TRUB2: variants seen among roughly 807,000 people sequenced by gnomAD.
The protein encoded by TRUB2 is pseudouridylate synthase TRUB2, mitochondrial.
Under a neutral mutation model 31.9 loss-of-function variants are expected in TRUB2, and 31 were observed. The ratio of observed to expected loss-of-function variants is 0.97; its 90% CI spans 0.73 to 1.31. TRUB2 has a LOEUF of 1.31. Ranked by LOEUF, TRUB2 falls within the 50% of genes most tolerant of loss-of-function variation. The pLI, the probability that TRUB2 is intolerant of heterozygous loss-of-function variation, is 0.00. For missense variants in TRUB2, 451 were observed against 439.6 expected (o/e 1.03, Z -0.23); for synonymous variants, 201 against 182.6 (o/e 1.10, Z -0.81).
chr9:128,313,460 C>T (rs1434157474), intron 5 of TRUB2, among the ~76,000 whole-genome samples: 2 of 139,730 alleles, frequency 1.4e-5, no homozygotes, highest in East Asian at 2.3e-4. Context: ...GGCGTGAACC[C>T]GGGAGGTGGT....
rs141792504 is a variant in TRUB2, at chr9:128,321,646, A to T, written c.194T>A (p.Leu65Gln). The T allele has an allele frequency of 6.2e-7, 1 of 1,613,970 alleles. No individual in the cohort carries two copies. The highest frequency in any genetic ancestry group is 1.7e-5 in the Admixed American group (1 of 60,000). The change falls in exon 2 of 8, where the codon CTG (leucine) becomes CAG (glutamine). Residue 65 changes from leucine to glutamine, a missense_variant. Coordinates refer to ENST00000372890, the MANE Select transcript of TRUB2 (RefSeq NM_015679.3). ...GPMEGSEEKE[L>Q]TLTATSVPSF... is the part of the protein sequence containing the mutation. ...GGGTACGCTGGTGGCTGTGAGGGTCAGCTCCTTCTCTTCGCTGCCTTCCAT... is the reference window on the plus strand; with the variant it reads ...GGGTACGCTGGTGGCTGTGAGGGTCTGCTCCTTCTCTTCGCTGCCTTCCAT...
chr9:128,310,756 C>T (rs952157683), intron 7 of TRUB2, 131 bp downstream of exon 7: 19 of 1,315,882 alleles, frequency 1.4e-5, no homozygotes, highest in Admixed American at 2.0e-5. Context: ...TGCCTTGGCC[C>T]GCAGAGATCA....
chr9:128,315,434 G>T, intron 4 of TRUB2, 133 bp downstream of exon 4: 1 of 791,704 alleles, frequency 1.3e-6, no homozygotes, highest in Non-Finnish European at 2.1e-6. Context: ...CCCCTGCACA[G>T]CACACGATCA....
intron 5 of TRUB2, among the ~76,000 whole-genome samples, chr9:128,313,306 C>T (rs1284263484): frequency 6.6e-6 from 1 of 150,792 alleles, no homozygotes; most frequent in Non-Finnish European, 1.5e-5. Flanking sequence ...GAGGGCGGAT[C>T]ATGAGGTCAG....
Position 128,305,274 on chromosome 9 carries a change from T to G in TRUB2, c.*4276A>C, listed in dbSNP as rs930875825. The G allele has an allele frequency of 6.6e-6, 1 of 152,296 alleles. No homozygotes were observed. The highest frequency in any genetic ancestry group is 6.5e-5 in the Admixed American group (1 of 15,284). 9.4% of individuals were successfully genotyped at this position (152,296 alleles called of 1,614,324 possible). A position where few individuals can be genotyped will look rare whatever the true frequency, so the allele number is the denominator to read the frequency against. On this transcript the variant is annotated 3_prime_UTR_variant, in exon 8 of 8. Transcript: ENST00000372890. Reference sequence around the variant, plus strand: ...GGCCCTTTGGCTGTGAAAGCCAAGATGAGTAGCCTGGGGGCCACGCCCCTC... The same window carrying G: ...GGCCCTTTGGCTGTGAAAGCCAAGAGGAGTAGCCTGGGGGCCACGCCCCTC...
chr9:128,307,485 C>G lies in TRUB2; in HGVS notation c.*2065G>C, dbSNP rs1323369952. On this transcript the variant is annotated 3_prime_UTR_variant, in exon 8 of 8. Coordinates refer to ENST00000372890, the MANE Select transcript of TRUB2 (RefSeq NM_015679.3). ...GTGGCTCATGCCTATATTCCCAGTA[C>G]TTTGGAAGGCCGAGGTAGGCGGATC... 1 of 151,624 alleles carries G rather than the reference C, an allele frequency of 6.6e-6. No homozygotes were observed. The highest frequency in any genetic ancestry group is 2.4e-5 in the African/African-American group (1 of 41,254). 9.4% of individuals were successfully genotyped at this position (151,624 alleles called of 1,614,324 possible).
At chr9:128,317,717 G>T (rs1449821427) in intron 2 of TRUB2, among the ~76,000 whole-genome samples, 4 of 152,150 alleles carry the variant, frequency 2.6e-5, no homozygotes, top group Admixed American at 2.6e-4. Flanking sequence ...AGGGCCTATT[G>T]AATCCAGGCC....
At chr9:128,315,813 G>A in intron 3 of TRUB2, 185 bp from the exon 4 acceptor site, 1 of 636,078 alleles carries the variant, frequency 1.6e-6, no homozygotes, top group Non-Finnish European at 2.8e-6. Context: ...GCAGATTGCT[G>A]GGCCTTACCC....
Position 128,322,193 on chromosome 9 carries a change from C to T in TRUB2, c.109+107G>A, listed in dbSNP as rs570813801. ...AACAGGCGTTTGGGAAAGCGCTCTGCCCAGGTGAATAGGTCACGTGATTTT... is the reference window on the plus strand; with the variant it reads ...AACAGGCGTTTGGGAAAGCGCTCTGTCCAGGTGAATAGGTCACGTGATTTT... On this transcript the variant is annotated intron_variant, in intron 1 of 7. Transcript: ENST00000372890. The T allele has an allele frequency of 1.1e-4, 102 of 890,174 alleles. No homozygotes were observed. The East Asian group carries it at 2.6e-3, about 23-fold the overall frequency. 55.1% of individuals were successfully genotyped at this position (890,174 alleles called of 1,614,324 possible). A position where few individuals can be genotyped will look rare whatever the true frequency, so the allele number is the denominator to read the frequency against.
chr9:128,322,274 A>G (rs769117197), intron 1 of TRUB2, 26 bp downstream of exon 1: 1 of 1,580,652 alleles, frequency 6.3e-7, no homozygotes, highest in African/African-American at 1.3e-5. Flanking sequence ...GAGAGCGGGA[A>G]CGTGGGTCTG....
rs550322879 is a variant in TRUB2 at position 128,312,804 on chromosome 9, G to A, written c.460+1004C>T. On this transcript the variant is annotated intron_variant, in intron 5 of 7. Coordinates refer to ENST00000372890, the MANE Select transcript of TRUB2 (RefSeq NM_015679.3). ...TAATTTTTGTATTTTTACTAGAGACGGGTTTTACCATATCAGCCAGGCTGG... is the reference window on the plus strand; with the variant it reads ...TAATTTTTGTATTTTTACTAGAGACAGGTTTTACCATATCAGCCAGGCTGG... Among the ~76,000 whole-genome samples, 12 of 151,822 alleles carry A rather than the reference G, an allele frequency of 7.9e-5. No homozygotes were observed. The South Asian group carries it at 2.5e-3, about 32-fold the overall frequency.
At position 128,319,640 on chromosome 9, in the gene TRUB2, C is replaced by CT. The variant is rs869294653; in HGVS notation, c.241+1958dup. ...AACCTAGGCATGTCGTCCCATATAC[C>CT]TTTTTTTTTTTTTTTTGAGGCAGAG... On this transcript the variant is annotated intron_variant, in intron 2 of 7. Coordinates refer to ENST00000372890, the MANE Select transcript of TRUB2 (RefSeq NM_015679.3). Among the ~76,000 whole-genome samples, 986 of 141,882 alleles carry CT rather than the reference C, an allele frequency of 6.9e-3. 11 individuals are homozygous for CT. The highest frequency in any genetic ancestry group is 0.021 in the African/African-American group (799 of 38,932). 93.1% of individuals were successfully genotyped at this position (141,882 alleles called of 152,430 possible).
At chr9:128,315,804 C>G in intron 3 of TRUB2, 176 bp from the exon 4 acceptor site, 1 of 658,376 alleles carries the variant, frequency 1.5e-6, no homozygotes, top group South Asian at 1.7e-5. Context: ...ATATCACATG[C>G]AGATTGCTGG....
At chr9:128,315,483 C>T (rs972656601) in intron 4 of TRUB2, 84 bp downstream of exon 4, 53 of 1,437,728 alleles carry the variant, frequency 3.7e-5, no homozygotes, top group Admixed American at 6.0e-5. Context: ...TGTTCCCCCA[C>T]GGAATCCTCT....
chr9:128,313,661 T>C (rs577136491), intron 5 of TRUB2, 147 bp downstream of exon 5: 1 of 714,562 alleles, frequency 1.4e-6, no homozygotes, highest in East Asian at 2.5e-5. Context: ...AGGATGCTCC[T>C]GGAGCACAGA....
At chr9:128,313,930 T>C in intron 4 of TRUB2, 41 bp from the exon 5 acceptor site, 2 of 1,596,756 alleles carry the variant, frequency 1.3e-6, no homozygotes, top group Non-Finnish European at 1.7e-6. Flanking sequence ...GTGACCCCAT[T>C]CTAAGCCCTA....
chr9:128,314,330 C>G (rs1045597047), intron 4 of TRUB2, among the ~76,000 whole-genome samples: 1 of 152,098 alleles, frequency 6.6e-6, no homozygotes, highest in African/African-American at 2.4e-5. Flanking sequence ...ATTTATCACC[C>G]CGAGCCCCTT....
chr9:128,314,017 C>G (rs1832026077), intron 4 of TRUB2, 128 bp from the exon 5 acceptor site: 1 of 725,502 alleles, frequency 1.4e-6, no homozygotes, highest in Non-Finnish European at 2.4e-6. Context: ...AGCCCCTGCC[C>G]AGCTGCTCCA....
intron 2 of TRUB2, among the ~76,000 whole-genome samples, chr9:128,319,409 T>G (rs1832124771): frequency 6.6e-6 from 1 of 151,752 alleles, no homozygotes; most frequent in Non-Finnish European, 1.5e-5. Context: ...GAAGACTGCT[T>G]GAACTCAGGA....
Sources: gnomAD v4.1 joint callset for allele counts (sites outside exome capture counted in the v4.1 genomes callset) on GRCh38, gnomAD v4.1.1 for gene constraint, MANE v1.5 for transcripts, NCBI Gene and HGNC (gene_info 2026-07-23, HGNC 2026-07-21) for gene names.